The following GLOD4 variants were observed in gnomAD, a reference collection of about 807,000 sequenced individuals.
The protein encoded by GLOD4 is glyoxalase domain-containing protein 4.
GLOD4 carries 44 observed loss-of-function variants against 39.1 expected under a neutral mutation model. That is an observed-to-expected ratio of 1.13 (90% CI 0.88 to 1.45). The LOEUF (loss-of-function observed/expected upper bound fraction) is 1.45. GLOD4 is among the 40% of genes most tolerant of loss of function. GLOD4 has a pLI of 0.00. For missense variants in GLOD4, 405 were observed against 366.4 expected (o/e 1.11, Z -0.86); for synonymous variants, 145 against 135.0 (o/e 1.07, Z -0.52).
intron 1 of GLOD4, 178 bp from the exon 2 acceptor site, chr17:778,922 T>C: frequency 5.1e-6 from 3 of 586,052 alleles, no homozygotes; most frequent in East Asian, 2.8e-5. Flanking sequence ...GACGAACAGC[T>C]TGACACCAAG....
intron 4 of GLOD4, among the ~76,000 whole-genome samples, chr17:774,265 C>A (rs945473811): frequency 6.6e-6 from 1 of 152,194 alleles, no homozygotes; most frequent in Non-Finnish European, 1.5e-5. Flanking sequence ...ACAAGGAGCA[C>A]TGAACATTCT....
At chr17:775,210 G>C (rs1908689184) in intron 4 of GLOD4, among the ~76,000 whole-genome samples, 1 of 151,610 alleles carries the variant, frequency 6.6e-6, no homozygotes, top group Non-Finnish European at 1.5e-5. Flanking sequence ...GGCAGAGGTT[G>C]CAGTGAGCAG....
chr17:778,882 A>G, intron 1 of GLOD4, 138 bp from the exon 2 acceptor site: 1 of 609,018 alleles, frequency 1.6e-6, no homozygotes, highest in South Asian at 2.0e-5. Flanking sequence ...AATGAGCTTT[A>G]CACTTCTCCC....
chr17:770,874 A>G (rs1907844241), intron 5 of GLOD4: 1 of 212,684 alleles, frequency 4.7e-6, no homozygotes, highest in Non-Finnish European at 9.5e-6. Context: ...TCTATAGGAC[A>G]CTGAAATTCT....
At chr17:774,277 C>T (rs1459003640) in intron 4 of GLOD4, among the ~76,000 whole-genome samples, 1 of 152,192 alleles carries the variant, frequency 6.6e-6, no homozygotes, top group African/African-American at 2.4e-5. Flanking sequence ...GAACATTCTA[C>T]AGACTCAGCA....
chr17:780,015 T>G lies in GLOD4; in HGVS notation c.91-1271A>C, dbSNP rs937724764. ...CCATCTCTACTAAAAATACAAAAAATAAGCAGGGCGTGGTGGCGGGCGCCT... is the reference window on the plus strand; with the variant it reads ...CCATCTCTACTAAAAATACAAAAAAGAAGCAGGGCGTGGTGGCGGGCGCCT... On this transcript the variant is annotated intron_variant, in intron 1 of 8. Coordinates refer to ENST00000301329, the MANE Select transcript of GLOD4 (RefSeq NM_016080.4). Among the ~76,000 whole-genome samples the G allele has an allele frequency of 6.6e-5, 10 of 151,758 alleles. 1 individual carries two copies. The highest frequency in any genetic ancestry group is 6.6e-4 in the Admixed American group (10 of 15,236).
At chr17:761,110 T>G (rs1186202803) in intron 8 of GLOD4, among the ~76,000 whole-genome samples, 1 of 152,186 alleles carries the variant, frequency 6.6e-6, no homozygotes, top group Admixed American at 6.5e-5. Context: ...TTGAGGAGTG[T>G]GCAGAACAGC....
At chr17:784,952 A>C (rs1474380811), upstream of GLOD4, among the ~76,000 whole-genome samples, 1 of 152,228 alleles carries the variant, frequency 6.6e-6, no homozygotes, top group Non-Finnish European at 1.5e-5. Context: ...ATCTTTTAGA[A>C]AGAATCCTAA....
In GLOD4 at chr17:763,115, G is replaced by A. The variant is rs186755037; in HGVS notation, c.832-2877C>T. On this transcript the variant is annotated intron_variant, in intron 8 of 8. Transcript: ENST00000301329. ...GGAGAATGGTGTGAACCCGGGAGGC[G>A]GAGCTTGCCGTGAGCCGAGATCACG... Among the ~76,000 whole-genome samples the A allele has an allele frequency of 7.9e-5, 12 of 151,824 alleles. No individual in the cohort carries two copies. In the East Asian group the frequency reaches 9.7e-4, roughly 12 times the overall value.
chr17:782,770 G>T, upstream of GLOD4: 1 of 1,435,912 alleles, frequency 7.0e-7, no homozygotes, highest in Non-Finnish European at 9.3e-7. Flanking sequence ...TCCTTCCGAT[G>T]GAGGACTTCT....
chr17:763,349 A>C lies in GLOD4; in HGVS notation c.832-3111T>G, dbSNP rs1358245683. Reference sequence around the variant, plus strand: ...ATGGTGAAACCCTGTCTCTACTAAAAATACAAAAATTAGCTGGACATGGTG... The same window carrying C: ...ATGGTGAAACCCTGTCTCTACTAAACATACAAAAATTAGCTGGACATGGTG... On this transcript the variant is annotated intron_variant, in intron 8 of 8. Coordinates refer to ENST00000301329, the MANE Select transcript of GLOD4 (RefSeq NM_016080.4). Among the ~76,000 whole-genome samples the C allele has an allele frequency of 3.3e-5, 5 of 151,762 alleles. No individual in the cohort carries two copies. The East Asian group carries it at 9.8e-4, about 30-fold the overall frequency.
intron 8 of GLOD4, among the ~76,000 whole-genome samples, 159 bp from the exon 9 acceptor site, chr17:760,397 A>G (rs78312438): frequency 6.6e-6 from 1 of 152,172 alleles, no homozygotes; most frequent in African/African-American, 2.4e-5. Flanking sequence ...AATAAAAAAA[A>G]TTTTTTAACA....
At chr17:783,499 G>C (rs1337442462), upstream of GLOD4, 1 of 583,316 alleles carries the variant, frequency 1.7e-6, no homozygotes, top group African/African-American at 1.9e-5. Context: ...ACCATGCCCG[G>C]GTGATTTTTG....
At chr17:783,073 C>A, upstream of GLOD4, 1 of 1,566,376 alleles carries the variant, frequency 6.4e-7, no homozygotes, top group South Asian at 1.2e-5. Flanking sequence ...TTTTTTATTT[C>A]CATCTACAGC....
chr17:762,618 C>T (rs1226498833), intron 8 of GLOD4, among the ~76,000 whole-genome samples: 7 of 149,402 alleles, frequency 4.7e-5, no homozygotes. Context: ...TCATCACCAT[C>T]CAGGCCCCTG....
chr17:785,685 G>C (rs1385377745), upstream of GLOD4, among the ~76,000 whole-genome samples: 2 of 152,228 alleles, frequency 1.3e-5, no homozygotes, highest in South Asian at 2.1e-4. Flanking sequence ...CCCTAAGACA[G>C]TGCTTCTGAG....
Position 778,683 on chromosome 17 carries a change from A to C in GLOD4, c.140+12T>G, listed in dbSNP as rs375078226. ...GAGCCTAAAGGAGATTTTAAGAAACAAGGTATCATACCCATTACAGGCAGC... is the reference window on the plus strand; with the variant it reads ...GAGCCTAAAGGAGATTTTAAGAAACCAGGTATCATACCCATTACAGGCAGC... On this transcript the variant is annotated intron_variant, in intron 2 of 8. Coordinates refer to ENST00000301329, the MANE Select transcript of GLOD4 (RefSeq NM_016080.4). The C allele has an allele frequency of 6.7e-7, 1 of 1,486,014 alleles. No homozygotes were observed. Among genetic ancestry groups the C allele is most frequent in the Non-Finnish European group, 9.4e-7 (1 of 1,063,094 alleles). The allele number at this position is 1,486,014 out of a possible 1,614,324, so 92.1% of individuals were successfully genotyped here. A position where few individuals can be genotyped will look rare whatever the true frequency, so the allele number is the denominator to read the frequency against.
chr17:783,389 T>TG, upstream of GLOD4: 1 of 1,492,266 alleles, frequency 6.7e-7, no homozygotes, highest in Non-Finnish European at 9.0e-7. Context: ...CAGGCTGGAG[T>TG]GCAATGGCGC....
Position 770,838 on chromosome 17 carries a change from C to T in GLOD4, c.544-331G>A, listed in dbSNP as rs1449731009. Reference sequence around the variant, plus strand: ...ATAGTAATCCATTCCATGAATGAGCCGTAAATTACTGAAATATGTCTCTAA... The same window carrying T: ...ATAGTAATCCATTCCATGAATGAGCTGTAAATTACTGAAATATGTCTCTAA... On this transcript the variant is annotated intron_variant, in intron 5 of 8. Transcript: ENST00000301329. 1.3e-5 allele frequency: 3 copies of T among 231,438 alleles called. No homozygotes were observed. The South Asian group carries it at 2.6e-4, about 20-fold the overall frequency. The allele number at this position is 231,438 out of a possible 1,614,324, so 14.3% of individuals were successfully genotyped here.
Sources: allele counts gnomAD v4.1 joint callset (sites outside exome capture counted in the v4.1 genomes callset), GRCh38; gene constraint gnomAD v4.1.1; transcripts MANE v1.5; gene names NCBI Gene and HGNC (gene_info 2026-07-23, HGNC 2026-07-21).